The following LRP1B variants were observed in gnomAD, a reference collection of about 807,000 sequenced individuals.
LRP1B encodes the protein low-density lipoprotein receptor-related protein 1B.
Under a neutral mutation model 556.6 loss-of-function variants are expected in LRP1B, and 217 were observed. The ratio of observed to expected loss-of-function variants is 0.39; its 90% CI spans 0.35 to 0.44. The LOEUF (loss-of-function observed/expected upper bound fraction) is 0.44. Ranked by LOEUF, LRP1B falls within the 20% of genes least tolerant of loss-of-function variation. The pLI, the probability that LRP1B is intolerant of heterozygous loss-of-function variation, is 1.00. For missense variants in LRP1B, 5,053 were observed against 5,620.8 expected (o/e 0.90, Z 3.23); for synonymous variants, 2,047 against 1,865.8 (o/e 1.10, Z -2.50).
intron 3 of LRP1B, among the ~76,000 whole-genome samples, chr2:141,268,154 A>C (rs1684960219): frequency 6.6e-6 from 1 of 152,174 alleles, no homozygotes; most frequent in African/African-American, 2.4e-5. Flanking sequence ...GGCATACATC[A>C]GGTCAAAAAA....
intron 2 of LRP1B, among the ~76,000 whole-genome samples, chr2:141,741,664 G>T (rs1281868196): frequency 1.3e-5 from 2 of 152,002 alleles, no homozygotes; most frequent in Admixed American, 6.6e-5. Flanking sequence ...TTATTTAGTT[G>T]TTTGAGTTCC....
rs182093516 is a variant in LRP1B, at chr2:140,482,109, T to C, written c.9425+3234A>G. Among the ~76,000 whole-genome samples, 302 of 152,104 alleles carry C rather than the reference T, an allele frequency of 2.0e-3. 2 individuals are homozygous for C. The highest frequency in any genetic ancestry group is 4.1e-3 in the Admixed American group (62 of 15,254). On this transcript the variant is annotated intron_variant, in intron 59 of 90. Transcript: ENST00000389484. ...GTGATTATTTAATCAGCTACCTACA[T>C]ACTAGACTGAAACATACTTGAAGAC...
intron 3 of LRP1B, among the ~76,000 whole-genome samples, chr2:141,270,153 G>T (rs980016751): frequency 6.6e-6 from 1 of 151,966 alleles, no homozygotes; most frequent in Non-Finnish European, 1.5e-5. Context: ...CCAAAGATAC[G>T]CAAATTGCCA....
Position 141,714,873 on chromosome 2 carries a change from G to C in LRP1B, c.205+95406C>G, listed in dbSNP as rs1244784394. Reference sequence around the variant, plus strand: ...ATGGGTTCAGATGTACATGGAGAGGGCTGATAAGTTTTGTCTTGTTTTGTT... The same window carrying C: ...ATGGGTTCAGATGTACATGGAGAGGCCTGATAAGTTTTGTCTTGTTTTGTT... On this transcript the variant is annotated intron_variant, in intron 2 of 90. Coordinates refer to ENST00000389484, the MANE Select transcript of LRP1B (RefSeq NM_018557.3). Among the ~76,000 whole-genome samples, 4 of 152,122 alleles carry C rather than the reference G, an allele frequency of 2.6e-5. No individual in the cohort carries two copies. In the South Asian group the frequency reaches 8.3e-4, roughly 32 times the overall value.
At chr2:140,828,196 AAAAGT>A (rs1181666768) in intron 31 of LRP1B, among the ~76,000 whole-genome samples, 1 of 152,232 alleles carries the variant, frequency 6.6e-6, no homozygotes, top group Non-Finnish European at 1.5e-5. Context: ...ACTCATTGCT[AAAAGT>A]AAGTATAAAG....
At chr2:140,395,893 C>A (rs1373139234) in intron 66 of LRP1B, among the ~76,000 whole-genome samples, 1 of 151,590 alleles carries the variant, frequency 6.6e-6, no homozygotes, top group African/African-American at 2.4e-5. Context: ...TTTTTTTTCT[C>A]ATTTAGAAAT....
intron 66 of LRP1B, among the ~76,000 whole-genome samples, chr2:140,394,675 TCTA>T (rs1684174609): frequency 6.6e-6 from 1 of 152,134 alleles, no homozygotes; most frequent in Non-Finnish European, 1.5e-5. Context: ...TGTGATAACT[TCTA>T]GACAGCAATA....
rs2105021312 is a variant in LRP1B, at chr2:140,541,972, C to G, written c.7195-1G>C. The G allele has an allele frequency of 6.3e-7, 1 of 1,591,566 alleles. No homozygotes were observed. Among genetic ancestry groups the G allele is most frequent in the Non-Finnish European group, 8.6e-7 (1 of 1,165,506 alleles). ...TCCCTGGCCCAGATTTAACTATCAC[C>G]TGAAATAAATTAAAATACTGTATTT... On this transcript the variant is annotated splice_acceptor_variant, in intron 43 of 90. Transcript: ENST00000389484. LOFTEE classifies it high-confidence loss of function.
intron 7 of LRP1B, among the ~76,000 whole-genome samples, chr2:141,071,775 T>C (rs2105484111): frequency 6.6e-6 from 1 of 152,130 alleles, no homozygotes; most frequent in East Asian, 1.9e-4. Flanking sequence ...GAGAATAAAA[T>C]ACCTAGGAAT....
intron 66 of LRP1B, among the ~76,000 whole-genome samples, chr2:140,412,097 A>C (rs1369128024): frequency 1.3e-5 from 2 of 152,070 alleles, no homozygotes; most frequent in Non-Finnish European, 2.9e-5. Flanking sequence ...TGATGACAAA[A>C]CCAAAGAATA....
rs1417723613 is a variant in LRP1B, at chr2:141,457,249, G to T, written c.343+23147C>A. Among the ~76,000 whole-genome samples the T allele has an allele frequency of 5.9e-5, 9 of 152,092 alleles. No individual in the cohort carries two copies. In the East Asian group the frequency reaches 1.7e-3, roughly 29 times the overall value. ...GTTTCAGGAGGCTAGCCTAGTTTAG[G>T]TTACTATATGGAAGGTGACATAATT... On this transcript the variant is annotated intron_variant, in intron 3 of 90. Coordinates refer to ENST00000389484, the MANE Select transcript of LRP1B (RefSeq NM_018557.3).
intron 41 of LRP1B, among the ~76,000 whole-genome samples, chr2:140,616,197 A>C (rs1683251030): frequency 6.6e-6 from 1 of 151,942 alleles, no homozygotes; most frequent in Non-Finnish European, 1.5e-5. Flanking sequence ...AGTCAGTAAT[A>C]TGTACTCATA....
intron 1 of LRP1B, among the ~76,000 whole-genome samples, chr2:142,045,196 G>C (rs942885275): frequency 6.6e-6 from 1 of 150,830 alleles, no homozygotes; most frequent in Non-Finnish European, 1.5e-5. Context: ...GAGTAAGCAG[G>C]AATAGAACAG....
chr2:140,451,369 G>A (rs1686879880), intron 62 of LRP1B, among the ~76,000 whole-genome samples: 1 of 152,116 alleles, frequency 6.6e-6, no homozygotes, highest in Non-Finnish European at 1.5e-5. Flanking sequence ...ACACTAAATA[G>A]GGCTAAAAGC....
At chr2:140,808,497 T>A (rs1182745701) in intron 32 of LRP1B, among the ~76,000 whole-genome samples, 2 of 152,204 alleles carry the variant, frequency 1.3e-5, no homozygotes, top group Non-Finnish European at 2.9e-5. Flanking sequence ...GGCAAACTCT[T>A]GGCTACTCAG....
chr2:141,739,138 GATTAAATTAACCTTAAAAATATTAAT>G (rs1479412447), intron 2 of LRP1B, among the ~76,000 whole-genome samples: 1 of 152,064 alleles, frequency 6.6e-6, no homozygotes, highest in Non-Finnish European at 1.5e-5. Flanking sequence ...CTTAGGGGAA[GATTAAATTAACCTTAAAAATATTAAT>G]GGTGTTTGAA....
At chr2:141,450,712 T>A (rs1402137747) in intron 3 of LRP1B, among the ~76,000 whole-genome samples, 3 of 152,058 alleles carry the variant, frequency 2.0e-5, no homozygotes, top group Non-Finnish European at 2.9e-5. Context: ...CATAAATAAA[T>A]CTTCATTTAT....
intron 2 of LRP1B, among the ~76,000 whole-genome samples, chr2:141,742,255 CT>C (rs34084336): frequency 0.38 from 46,448 of 122,216 alleles, 7,412 homozygotes; most frequent in East Asian, 0.46. Flanking sequence ...TTCTTTCTTT[CT>C]TTTTTTTTTT....
rs559954408 is a variant in LRP1B, at chr2:141,460,722, G to A, written c.343+19674C>T. ...GTTTCAACCTAGATAGTAGCAGTTG[G>A]GCTAGTGAAAAGTGATAAGAATTTG... On this transcript the variant is annotated intron_variant, in intron 3 of 90. Coordinates refer to ENST00000389484, the MANE Select transcript of LRP1B (RefSeq NM_018557.3). Among the ~76,000 whole-genome samples the A allele has an allele frequency of 2.2e-4, 33 of 152,094 alleles. 1 individual carries two copies. Among genetic ancestry groups the A allele is most frequent in the Non-Finnish European group, 3.5e-4 (24 of 68,030 alleles).
Sources: allele counts gnomAD v4.1 joint callset (sites outside exome capture counted in the v4.1 genomes callset), GRCh38; gene constraint gnomAD v4.1.1; transcripts MANE v1.5; gene names NCBI Gene and HGNC (gene_info 2026-07-23, HGNC 2026-07-21).